CLDND1: variants seen among roughly 807,000 people sequenced by gnomAD.
CLDND1 encodes the protein claudin domain-containing protein 1.
A neutral mutation model predicts 26.3 loss-of-function variants in CLDND1; 13 were observed. That is an observed-to-expected ratio of 0.49 (90% CI 0.32 to 0.78). The LOEUF (loss-of-function observed/expected upper bound fraction) is 0.78. Ranked by LOEUF, CLDND1 falls within the 30% of genes least tolerant of loss-of-function variation. CLDND1 has a pLI of 0.03. For synonymous variants in CLDND1, 107 were observed against 107.0 expected (o/e 1.00, Z 0.00); for missense variants, 289 against 312.8 (o/e 0.92, Z 0.57).
In CLDND1 at chr3:98,515,778, T is replaced by C; in HGVS notation, c.*881A>G. The C allele has an allele frequency of 7.8e-7, 1 of 1,289,772 alleles. No individual in the cohort carries two copies. The highest frequency in any genetic ancestry group is 1.0e-6 in the Non-Finnish European group (1 of 988,860). The allele number at this position is 1,289,772 out of a possible 1,614,324, so 79.9% of individuals were successfully genotyped here. A position where few individuals can be genotyped will look rare whatever the true frequency, so the allele number is the denominator to read the frequency against. On this transcript the variant is annotated 3_prime_UTR_variant, in exon 5 of 5. Coordinates refer to ENST00000341181, the MANE Select transcript of CLDND1 (RefSeq NM_001040181.2). ...ACAGCCAGAACTTTAGATCTTGTGG[T>C]AGGTTTCCCAGCTCTGGAGGGTCAT...
chr3:98,522,684 G>T (rs1020825483), intron 1 of CLDND1, 165 bp downstream of exon 1: 51 of 1,461,518 alleles, frequency 3.5e-5, no homozygotes, highest in Non-Finnish European at 3.6e-5. Flanking sequence ...GGGTCCCCCG[G>T]TACCCGACCA....
In CLDND1 at chr3:98,515,923, G is replaced by A; in HGVS notation, c.*736C>T. On this transcript the variant is annotated 3_prime_UTR_variant, in exon 5 of 5. Coordinates refer to ENST00000341181, the MANE Select transcript of CLDND1 (RefSeq NM_001040181.2). Reference sequence around the variant, plus strand: ...CACACTTTTAATAACCCTGGTATGTGAAGAGGAAAGAAAAAAAATCCAAAA... The same window carrying A: ...CACACTTTTAATAACCCTGGTATGTAAAGAGGAAAGAAAAAAAATCCAAAA... The A allele has an allele frequency of 8.2e-7, 1 of 1,222,596 alleles. No homozygotes were observed. The highest frequency in any genetic ancestry group is 1.4e-5 in the South Asian group (1 of 69,116). 75.7% of individuals were successfully genotyped at this position (1,222,596 alleles called of 1,614,324 possible).
At chr3:98,520,325 T>A (rs1706353345) in intron 2 of CLDND1, among the ~76,000 whole-genome samples, 1 of 152,194 alleles carries the variant, frequency 6.6e-6, no homozygotes, top group South Asian at 2.1e-4. Flanking sequence ...CCTTCCAAAT[T>A]ATCTTTTTTT....
chr3:98,515,819 T>C lies in CLDND1; in HGVS notation c.*840A>G, dbSNP rs745516983. 1.9e-5 allele frequency: 25 copies of C among 1,289,658 alleles called. No individual in the cohort carries two copies. Among genetic ancestry groups the C allele is most frequent in the Non-Finnish European group, 2.5e-5 (25 of 988,804 alleles). 79.9% of individuals were successfully genotyped at this position (1,289,658 alleles called of 1,614,324 possible). Reference sequence around the variant, plus strand: ...GGAGGGTCATTATGGTGAAACGTTCTTTATAGTACTGGGCTGGAATAAATA... The same window carrying C: ...GGAGGGTCATTATGGTGAAACGTTCCTTATAGTACTGGGCTGGAATAAATA... On this transcript the variant is annotated 3_prime_UTR_variant, in exon 5 of 5. Transcript: ENST00000341181.
intron 1 of CLDND1, 114 bp from the exon 2 acceptor site, chr3:98,521,556 T>C: frequency 6.8e-7 from 1 of 1,468,204 alleles, no homozygotes; most frequent in East Asian, 2.3e-5. Context: ...TTCGTACATA[T>C]AACCATTAAG....
chr3:98,518,730 T>C, intron 3 of CLDND1, 155 bp downstream of exon 3: 1 of 582,238 alleles, frequency 1.7e-6, no homozygotes, highest in Non-Finnish European at 3.1e-6. Flanking sequence ...CCTTCTAAAA[T>C]ATCAACAGAA....
intron 1 of CLDND1, 39 bp downstream of exon 1, chr3:98,522,810 C>A (rs1220366730): frequency 6.2e-7 from 1 of 1,613,618 alleles, no homozygotes; most frequent in Non-Finnish European, 8.5e-7. Context: ...GGAACCGCGA[C>A]GCGACCCCTG....
chr3:98,521,731 T>C (rs768855916), intron 1 of CLDND1: 2 of 1,592,486 alleles, frequency 1.3e-6, no homozygotes, highest in Non-Finnish European at 1.7e-6. Context: ...GAAATGGACA[T>C]ACACATTACA....
At chr3:98,520,051 C>A (rs946582693) in intron 2 of CLDND1, among the ~76,000 whole-genome samples, 7 of 152,030 alleles carry the variant, frequency 4.6e-5, no homozygotes, top group Admixed American at 2.6e-4. Context: ...ATTATTTATT[C>A]TGTTTATACT....
rs1474649112 is a variant in CLDND1, at chr3:98,521,566, G to C, written c.-18-124C>G. The C allele has an allele frequency of 2.7e-6, 4 of 1,488,496 alleles. No individual in the cohort carries two copies. In the Admixed American group the frequency reaches 5.4e-5, roughly 20 times the overall value. The allele number at this position is 1,488,496 out of a possible 1,614,324, so 92.2% of individuals were successfully genotyped here. A position where few individuals can be genotyped will look rare whatever the true frequency, so the allele number is the denominator to read the frequency against. ...ATCCCTTCGTACATATAACCATTAAGAATTTTTTTTAGAAAGCAAGCATGT... is the reference window on the plus strand; with the variant it reads ...ATCCCTTCGTACATATAACCATTAACAATTTTTTTTAGAAAGCAAGCATGT... On this transcript the variant is annotated intron_variant, in intron 1 of 4. Transcript: ENST00000341181.
In CLDND1 at chr3:98,515,676, C is replaced by G. The variant is rs1559652135; in HGVS notation, c.*983G>C. The G allele has an allele frequency of 1.6e-6, 2 of 1,277,018 alleles. No individual in the cohort carries two copies. Among genetic ancestry groups the G allele is most frequent in the Non-Finnish European group, 2.0e-6 (2 of 981,418 alleles). The allele number at this position is 1,277,018 out of a possible 1,614,324, so 79.1% of individuals were successfully genotyped here. ...GAAGACATTAAATAATGTTGATACA[C>G]ACCAGGAAGGGATTTAGGCAAGGAA... On this transcript the variant is annotated 3_prime_UTR_variant, in exon 5 of 5. Transcript: ENST00000341181.
chr3:98,516,199 A>G lies in CLDND1; in HGVS notation c.*460T>C. The G allele has an allele frequency of 7.6e-6, 8 of 1,047,572 alleles. No homozygotes were observed. The highest frequency in any genetic ancestry group is 9.2e-6 in the Non-Finnish European group (8 of 867,882). The allele number at this position is 1,047,572 out of a possible 1,614,324, so 64.9% of individuals were successfully genotyped here. Reference sequence around the variant, plus strand: ...TTATAGAGCTTAAATCTTTGAAAACAGCACTAATACTGCTGGTTGACTGGC... The same window carrying G: ...TTATAGAGCTTAAATCTTTGAAAACGGCACTAATACTGCTGGTTGACTGGC... On this transcript the variant is annotated 3_prime_UTR_variant, in exon 5 of 5. Transcript: ENST00000341181.
Position 98,517,204 on chromosome 3 carries a change from G to C in CLDND1, c.404-15C>G, listed in dbSNP as rs1419836668. The stretch of plus-strand genomic sequence containing the variant: ...ACGCCAAAGATCTGATTTTTAAAAA[G>C]AGAGAAAAGAAATGTTACCGTGATT... On this transcript the variant is annotated splice_polypyrimidine_tract_variant and intron_variant, in intron 3 of 4. Coordinates refer to ENST00000341181, the MANE Select transcript of CLDND1 (RefSeq NM_001040181.2). 6.2e-7 allele frequency: 1 copy of C among 1,607,016 alleles called. No individual in the cohort carries two copies. The highest frequency in any genetic ancestry group is 8.5e-7 in the Non-Finnish European group (1 of 1,178,110).
Position 98,516,441 on chromosome 3 carries a change from AT to A in CLDND1, c.*217del. ...TCCATTTCTTTCTGTCTAGACCTAGATTAGTTTATTTGAAAGATGGCATCGC... is the reference window on the plus strand; with the variant it reads ...TCCATTTCTTTCTGTCTAGACCTAGATAGTTTATTTGAAAGATGGCATCGC... On this transcript the variant is annotated 3_prime_UTR_variant, in exon 5 of 5. Transcript: ENST00000341181. The A allele has an allele frequency of 7.5e-7, 1 of 1,339,558 alleles. No homozygotes were observed. The highest frequency in any genetic ancestry group is 3.0e-5 in the East Asian group (1 of 33,658). 83.0% of individuals were successfully genotyped at this position (1,339,558 alleles called of 1,614,324 possible).
intron 2 of CLDND1, 127 bp from the exon 3 acceptor site, chr3:98,519,122 G>A: frequency 3.3e-6 from 2 of 606,168 alleles, no homozygotes; most frequent in Non-Finnish European, 5.8e-6. Context: ...CTCTGGCCCT[G>A]ACTGACACAC....
Position 98,518,175 on chromosome 3 carries a change from T to G in CLDND1, c.403+710A>C, listed in dbSNP as rs572867803. Among the ~76,000 whole-genome samples the G allele has an allele frequency of 8.1e-4, 124 of 152,360 alleles. 1 individual carries two copies. Among genetic ancestry groups the G allele is most frequent in the African/African-American group, 3.0e-3 (124 of 41,584 alleles). ...ACCTTTTGGTGCTGGTTTTGCTTTC[T>G]GGAACTTCTTATGTGTTTTTCTAAC... On this transcript the variant is annotated intron_variant, in intron 3 of 4. Transcript: ENST00000341181.
At chr3:98,522,797 CATGGA>C in intron 1 of CLDND1, 47 bp downstream of exon 1, 1 of 1,613,450 alleles carries the variant, frequency 6.2e-7, no homozygotes, top group Non-Finnish European at 8.5e-7. Context: ...CCGCCGGGAA[CATGGA>C]ACCGCGACGC....
At chr3:98,522,753 C>T in intron 1 of CLDND1, 96 bp downstream of exon 1, 7 of 1,606,404 alleles carry the variant, frequency 4.4e-6, no homozygotes, top group Non-Finnish European at 6.0e-6. Context: ...CCCGCCCAGC[C>T]CGACCACGCC....
chr3:98,521,631 T>C, intron 1 of CLDND1, 189 bp from the exon 2 acceptor site: 1 of 1,596,888 alleles, frequency 6.3e-7, no homozygotes, highest in South Asian at 1.1e-5. Context: ...CTCATAAAAG[T>C]ACTTATTGAA....
Sources: allele counts gnomAD v4.1 joint callset (sites outside exome capture counted in the v4.1 genomes callset), GRCh38; gene constraint gnomAD v4.1.1; transcripts MANE v1.5; gene names NCBI Gene and HGNC (gene_info 2026-07-23, HGNC 2026-07-21).